Variants in CRADD observed in about 807,000 individuals in gnomAD.
CRADD encodes the protein death domain-containing protein CRADD.
CRADD carries 9 observed loss-of-function variants against 15.5 expected under a neutral mutation model. That is an observed-to-expected ratio of 0.58 (90% CI 0.35 to 1.01). The LOEUF (loss-of-function observed/expected upper bound fraction) is 1.01. CRADD is among the 50% of genes least tolerant of loss of function. CRADD has a pLI of 0.02. For synonymous variants in CRADD, 118 were observed against 107.6 expected (o/e 1.10, Z -0.60); for missense variants, 227 against 250.3 (o/e 0.91, Z 0.63).
At chr12:93,878,613 AAC>A (rs143833797) in intron 2 of CRADD, among the ~76,000 whole-genome samples, 3,392 of 152,178 alleles carry the variant, frequency 0.022, 124 homozygotes, top group African/African-American at 0.076. Flanking sequence ...TTTATTTAGA[AAC>A]ACAGCGCTAT....
At position 93,686,070 on chromosome 12, in the gene CRADD, C is replaced by T. The variant is rs140180572; in HGVS notation, c.298+6998C>T. Reference sequence around the variant, plus strand: ...ATCCCTACACTTTGGGAGGCTGAGGCGGGTGAATCACTTGAGGTCAGGAGT... The same window carrying T: ...ATCCCTACACTTTGGGAGGCTGAGGTGGGTGAATCACTTGAGGTCAGGAGT... On this transcript the variant is annotated intron_variant, in intron 2 of 2. Coordinates refer to ENST00000332896, the MANE Select transcript of CRADD (RefSeq NM_003805.5). 7.2e-4 allele frequency among the ~76,000 whole-genome samples: 109 copies of T among 151,394 alleles called. 1 individual carries two copies. The highest frequency in any genetic ancestry group is 5.8e-3 in the East Asian group (30 of 5,144).
intron 2 of CRADD, among the ~76,000 whole-genome samples, chr12:93,794,204 A>T (rs1037371344): frequency 6.6e-6 from 1 of 152,070 alleles, no homozygotes; most frequent in Non-Finnish European, 1.5e-5. Context: ...AAAGCCTCCA[A>T]TGCTTCATCC....
At chr12:93,847,061 C>T (rs1175220429) in intron 2 of CRADD, among the ~76,000 whole-genome samples, 1 of 152,168 alleles carries the variant, frequency 6.6e-6, no homozygotes, top group Non-Finnish European at 1.5e-5. Context: ...TGAGATCACG[C>T]CACTGCACTC....
chr12:93,838,960 A>T (rs1211707430), intron 2 of CRADD, among the ~76,000 whole-genome samples: 1 of 151,158 alleles, frequency 6.6e-6, no homozygotes, highest in East Asian at 2.0e-4. Context: ...TTTTGTAGAG[A>T]TGGAGTTTTG....
chr12:93,743,475 G>T (rs1956708682), intron 2 of CRADD, among the ~76,000 whole-genome samples: 1 of 152,088 alleles, frequency 6.6e-6, no homozygotes, highest in Admixed American at 6.5e-5. Flanking sequence ...GGGACCACAG[G>T]CCCTCGTCAC....
chr12:93,837,795 CT>C (rs1300868485), intron 2 of CRADD: 1 of 151,880 alleles, frequency 6.6e-6, no homozygotes, highest in East Asian at 1.9e-4. Flanking sequence ...CTGGTTTTAC[CT>C]TTTACAAAGA....
At chr12:93,779,497 CA>C (rs970196142) in intron 2 of CRADD, among the ~76,000 whole-genome samples, 46 of 142,780 alleles carry the variant, frequency 3.2e-4, no homozygotes, top group Non-Finnish European at 4.5e-4. Context: ...GAAAAGAGTA[CA>C]AAAAAATAAA....
chr12:93,721,242 T>A (rs1294907773), intron 2 of CRADD, among the ~76,000 whole-genome samples: 1 of 152,192 alleles, frequency 6.6e-6, no homozygotes, highest in African/African-American at 2.4e-5. Flanking sequence ...TTTGTTTTTT[T>A]AAACTTTTTT....
intron 2 of CRADD, among the ~76,000 whole-genome samples, chr12:93,882,294 G>A (rs1218825483): frequency 4.7e-5 from 7 of 149,578 alleles, no homozygotes; most frequent in East Asian, 2.0e-4. Context: ...GGTGGCAGGC[G>A]CCTGTGATCC....
chr12:93,894,016 C>G (rs1175620932), intron 2 of CRADD: 14 of 702,324 alleles, frequency 2.0e-5, no homozygotes, highest in Middle Eastern at 2.3e-4. Flanking sequence ...CGCCATACTC[C>G]CTTGATTTGA....
chr12:93,782,412 C>T (rs1158135610), intron 2 of CRADD, among the ~76,000 whole-genome samples: 1 of 151,886 alleles, frequency 6.6e-6, no homozygotes, highest in Non-Finnish European at 1.5e-5. Flanking sequence ...TTAATGGGTG[C>T]AGCACACCAA....
downstream of CRADD, among the ~76,000 whole-genome samples, chr12:93,853,023 A>T (rs554569124): frequency 4.0e-4 from 61 of 152,286 alleles, no homozygotes; most frequent in African/African-American, 1.4e-3. Context: ...AGCACTGTAC[A>T]TCCCAATTTT....
intron 2 of CRADD, among the ~76,000 whole-genome samples, chr12:93,698,520 T>G (rs1383257638): frequency 6.6e-6 from 1 of 152,230 alleles, no homozygotes; most frequent in Non-Finnish European, 1.5e-5. Flanking sequence ...CTTCAGGAAC[T>G]AGGAAGAGCA....
chr12:93,828,227 T>C (rs73222761), intron 2 of CRADD, among the ~76,000 whole-genome samples: 29,669 of 152,118 alleles, frequency 0.2, 3,113 homozygotes, highest in East Asian at 0.42. Flanking sequence ...CAAGATATGA[T>C]TTGCAAATAT....
At chr12:93,888,513 C>A (rs1958554317) in intron 2 of CRADD, among the ~76,000 whole-genome samples, 1 of 151,876 alleles carries the variant, frequency 6.6e-6, no homozygotes, top group Non-Finnish European at 1.5e-5. Context: ...TTTATCCCAA[C>A]TGACTGTTGC....
intron 2 of CRADD, chr12:93,738,078 G>GT: frequency 2.1e-6 from 1 of 482,376 alleles, no homozygotes. Flanking sequence ...CGTTTTTACT[G>GT]TAAGTGTTGA....
intron 2 of CRADD, among the ~76,000 whole-genome samples, chr12:93,684,055 T>C (rs187815626): frequency 2.2e-4 from 34 of 152,320 alleles, no homozygotes; most frequent in African/African-American, 7.9e-4. Flanking sequence ...GGTTTCTGTG[T>C]ATACCCAGCC....
chr12:93,807,968 G>A (rs1239464104), intron 2 of CRADD, among the ~76,000 whole-genome samples: 1 of 113,274 alleles, frequency 8.8e-6, no homozygotes, highest in Non-Finnish European at 1.7e-5. Flanking sequence ...GTTAGAAGAT[G>A]GTAAGTGTTA....
intron 2 of CRADD, among the ~76,000 whole-genome samples, chr12:93,780,947 G>T (rs910934600): frequency 1.3e-5 from 2 of 149,122 alleles, no homozygotes; most frequent in Non-Finnish European, 1.5e-5. Context: ...GTAGAGACAC[G>T]GTTTTGCTAT....
Sources: allele counts gnomAD v4.1 joint callset (sites outside exome capture counted in the v4.1 genomes callset), GRCh38; gene constraint gnomAD v4.1.1; transcripts MANE v1.5; gene names NCBI Gene and HGNC (gene_info 2026-07-23, HGNC 2026-07-21).